TAB2: variants seen among roughly 807,000 people sequenced by gnomAD.
The protein encoded by TAB2 is TGF-beta-activated kinase 1 and MAP3K7-binding protein 2.
In TAB2, 3 loss-of-function variants were observed where a neutral mutation model predicts 65.0. The observed-to-expected ratio is 0.05, with a 90% CI of 0.02 to 0.12. The LOEUF (loss-of-function observed/expected upper bound fraction) is 0.12. Among genes scored for constraint, TAB2 ranks in the 10% least tolerant of loss-of-function variants. The pLI is 1.00. For missense variants in TAB2, 623 were observed against 840.3 expected, an observed-to-expected ratio of 0.74 and a Z score of 3.20; for synonymous variants, 298 against 285.1, an observed-to-expected ratio of 1.05 and a Z score of -0.46.
At chr6:149,327,092 T>C (rs539181400) in intron 1 of TAB2, among the ~76,000 whole-genome samples, 4 of 152,342 alleles carry the variant, frequency 2.6e-5, no homozygotes, top group Non-Finnish European at 5.9e-5. Flanking sequence ...TATTCAGATC[T>C]GTGGTACAAA....
intron 6 of TAB2, chr6:149,400,298 CTCCTGCTGCTCT>C (rs1782329699): frequency 9.2e-6 from 13 of 1,407,574 alleles, no homozygotes; most frequent in South Asian, 6.6e-5. Context: ...CCGCTGTCAC[CTCCTGCTGCTCT>C]TCCTGCTGCT....
intron 1 of TAB2, among the ~76,000 whole-genome samples, chr6:149,279,117 A>C (rs923059496): frequency 3.9e-5 from 6 of 152,140 alleles, no homozygotes; most frequent in African/African-American, 1.4e-4. Flanking sequence ...GCTCCTGCCC[A>C]CATCACTCCA....
intron 1 of TAB2, among the ~76,000 whole-genome samples, chr6:149,309,153 C>T (rs1046759363): frequency 2.3e-4 from 35 of 151,962 alleles, no homozygotes; most frequent in Admixed American, 4.6e-4. Context: ...TAGTAAAAAT[C>T]GATATATTCC....
intron 1 of TAB2, among the ~76,000 whole-genome samples, chr6:149,341,545 T>A (rs1780127477): frequency 6.6e-6 from 1 of 152,146 alleles, no homozygotes; most frequent in Non-Finnish European, 1.5e-5. Context: ...TACAGCAGGG[T>A]GGGTAGTGAT....
chr6:149,265,886 G>T (rs556491841), intron 1 of TAB2, among the ~76,000 whole-genome samples: 1 of 152,128 alleles, frequency 6.6e-6, no homozygotes, highest in Admixed American at 6.5e-5. Context: ...CAACTGGGAG[G>T]TTGCCCCTGA....
In TAB2 at chr6:149,399,669, G is replaced by C. The variant is rs188729771; in HGVS notation, c.1939+485G>C. On this transcript the variant is annotated intron_variant, in intron 6 of 6. Coordinates refer to ENST00000637181, the MANE Select transcript of TAB2 (RefSeq NM_001292034.3). ...TCAGAATATATGCACACCAAACTAA[G>C]ACATTTCAAAGTATGTCTGTGTGTT... Among the ~76,000 whole-genome samples, 1,056 of 152,080 alleles carry C rather than the reference G, an allele frequency of 6.9e-3. 10 individuals are homozygous for C. Among genetic ancestry groups the C allele is most frequent in the African/African-American group, 0.025 (1,020 of 41,468 alleles).
At chr6:149,357,708 C>CT (rs201601439) in intron 1 of TAB2, among the ~76,000 whole-genome samples, 2,291 of 146,962 alleles carry the variant, frequency 0.016, 52 homozygotes, top group South Asian at 0.097. Flanking sequence ...CTTTTTTTTT[C>CT]TTTTTTTTTG....
intron 3 of TAB2, among the ~76,000 whole-genome samples, chr6:149,389,955 C>T (rs1413606473): frequency 6.6e-6 from 1 of 152,324 alleles, no homozygotes; most frequent in African/African-American, 2.4e-5. Flanking sequence ...CATCATTCCT[C>T]ATACTTTTAT....
intron 1 of TAB2, among the ~76,000 whole-genome samples, chr6:149,292,104 T>C (rs1241381258): frequency 6.6e-6 from 1 of 152,128 alleles, no homozygotes; most frequent in Non-Finnish European, 1.5e-5. Flanking sequence ...AATGAGAAAC[T>C]TCATAAAGGA....
chr6:149,341,506 C>A (rs376324183), intron 1 of TAB2, among the ~76,000 whole-genome samples: 5 of 152,234 alleles, frequency 3.3e-5, no homozygotes, highest in Admixed American at 2.0e-4. Context: ...AAGTGCTTTA[C>A]ATACACTTTA....
chr6:149,230,962 T>C (rs1777392099), intron 1 of TAB2, among the ~76,000 whole-genome samples: 1 of 152,192 alleles, frequency 6.6e-6, no homozygotes, highest in African/African-American at 2.4e-5. Context: ...TTTTGCTGCA[T>C]GAGAGAGATG....
At chr6:149,362,266 C>T in intron 1 of TAB2, among the ~76,000 whole-genome samples, 1 of 152,326 alleles carries the variant, frequency 6.6e-6, no homozygotes, top group South Asian at 2.1e-4. Flanking sequence ...TTAATCGGCT[C>T]ATGGTTCTGC....
chr6:149,231,152 C>A (rs1199243168), intron 1 of TAB2, among the ~76,000 whole-genome samples: 1 of 152,216 alleles, frequency 6.6e-6, no homozygotes, highest in African/African-American at 2.4e-5. Flanking sequence ...CAATTCAGTT[C>A]TTGTGCTTCT....
At chr6:149,361,999 C>T (rs186303564) in intron 1 of TAB2, among the ~76,000 whole-genome samples, 30 of 152,328 alleles carry the variant, frequency 2.0e-4, no homozygotes, top group Admixed American at 1.6e-3. Flanking sequence ...CTTCCCTGTC[C>T]ATATCACTAT....
upstream of TAB2, among the ~76,000 whole-genome samples, chr6:149,316,274 CA>C (rs1182947533): frequency 6.6e-6 from 1 of 152,092 alleles, no homozygotes; most frequent in Non-Finnish European, 1.5e-5. Flanking sequence ...TTTGAAGTGG[CA>C]AAGTATTTGA....
chr6:149,405,567 T>C (rs1782635330), intron 6 of TAB2, among the ~76,000 whole-genome samples: 1 of 152,198 alleles, frequency 6.6e-6, no homozygotes, highest in African/African-American at 2.4e-5. Flanking sequence ...TTACTCAGCC[T>C]TAAGAAAGAA....
At chr6:149,335,668 C>G (rs1447545537) in intron 1 of TAB2, among the ~76,000 whole-genome samples, 1 of 152,112 alleles carries the variant, frequency 6.6e-6, no homozygotes, top group Non-Finnish European at 1.5e-5. Context: ...GCCACTATAC[C>G]TGACCTAGTT....
intron 3 of TAB2, among the ~76,000 whole-genome samples, chr6:149,394,550 G>A (rs1351959097): frequency 1.3e-5 from 2 of 152,080 alleles, no homozygotes; most frequent in African/African-American, 4.8e-5. Flanking sequence ...AAAGTAAATG[G>A]TATTTGCACC....
intron 1 of TAB2, among the ~76,000 whole-genome samples, chr6:149,349,109 G>C (rs934755050): frequency 5.9e-5 from 9 of 152,002 alleles, no homozygotes; most frequent in African/African-American, 2.2e-4. Flanking sequence ...AGGAAGAATT[G>C]CAGCTTGTGA....
Sources: allele counts gnomAD v4.1 joint callset (sites outside exome capture counted in the v4.1 genomes callset), GRCh38; gene constraint gnomAD v4.1.1; transcripts MANE v1.5; gene names NCBI Gene and HGNC (gene_info 2026-07-23, HGNC 2026-07-21).